The following LYRM4 variants were observed in gnomAD, a reference collection of about 807,000 sequenced individuals.
LYRM4 encodes LYR motif-containing protein 4.
LYRM4 carries 9 observed loss-of-function variants against 11.7 expected under a neutral mutation model. That is an observed-to-expected ratio of 0.77 (90% CI 0.46 to 1.34). LYRM4 has a LOEUF of 1.34. Ranked by LOEUF, LYRM4 falls within the 40% of genes most tolerant of loss-of-function variation. The pLI is 0.00. For synonymous variants in LYRM4, 42 were observed against 40.4 expected, an observed-to-expected ratio of 1.04 and a Z score of -0.15; for missense variants, 133 against 112.5, an observed-to-expected ratio of 1.18 and a Z score of -0.82.
At chr6:5,071,692 C>T in the LYRM4 span, among the ~76,000 whole-genome samples, 1 of 152,086 alleles carries the variant, frequency 6.6e-6, no homozygotes, top group African/African-American at 2.4e-5. Context: ...GGCTGGAGTG[C>T]AGTGGCACGA....
chr6:5,246,403 G>A (rs1267009193), intron 1 of LYRM4, among the ~76,000 whole-genome samples: 4 of 152,122 alleles, frequency 2.6e-5, no homozygotes, highest in African/African-American at 9.7e-5. Flanking sequence ...TCAAAGATTG[G>A]GTTCAGTTCT....
chr6:5,087,443 G>C, the LYRM4 span: 1 of 152,264 alleles, frequency 6.6e-6, no homozygotes, highest in Non-Finnish European at 1.5e-5. Context: ...GAATTAAGAC[G>C]TTTGGTGAAT....
At chr6:5,226,629 A>C (rs1360022763) in intron 1 of LYRM4, among the ~76,000 whole-genome samples, 1 of 152,156 alleles carries the variant, frequency 6.6e-6, no homozygotes, top group Non-Finnish European at 1.5e-5. Flanking sequence ...CGCCCGCCTC[A>C]GCCTCCCAAA....
chr6:5,156,303 C>A (rs935866033), intron 2 of LYRM4, among the ~76,000 whole-genome samples: 1 of 152,310 alleles, frequency 6.6e-6, no homozygotes, highest in South Asian at 2.1e-4. Flanking sequence ...GGTGGAGAGC[C>A]CCTGGGTCCT....
intron 2 of LYRM4, among the ~76,000 whole-genome samples, chr6:5,145,399 G>C (rs1167956520): frequency 6.6e-6 from 1 of 152,196 alleles, no homozygotes; most frequent in Admixed American, 6.5e-5. Flanking sequence ...CACCAGTATT[G>C]TTCTCATTTT....
chr6:5,042,405 TA>T, the LYRM4 span: 1 of 152,390 alleles, frequency 6.6e-6, no homozygotes, highest in Non-Finnish European at 1.5e-5. Flanking sequence ...GGTATTTTAT[TA>T]TTACAGATTT....
chr6:5,211,617 C>G (rs1302554900), intron 2 of LYRM4, among the ~76,000 whole-genome samples: 2 of 152,122 alleles, frequency 1.3e-5, no homozygotes, highest in East Asian at 3.9e-4. Context: ...GTAATACATC[C>G]ACTATTTTGA....
intron 2 of LYRM4, among the ~76,000 whole-genome samples, chr6:5,159,218 A>G (rs1758605480): frequency 6.6e-6 from 1 of 152,226 alleles, no homozygotes; most frequent in Non-Finnish European, 1.5e-5. Context: ...GGTGGGCCCC[A>G]GACACGTATG....
intron 2 of LYRM4, among the ~76,000 whole-genome samples, chr6:5,167,841 A>G (rs973614430): frequency 1.3e-5 from 2 of 152,000 alleles, no homozygotes; most frequent in African/African-American, 4.8e-5. Context: ...TTTGTTTGCT[A>G]ATTTGAAATA....
intron 2 of LYRM4, among the ~76,000 whole-genome samples, chr6:5,185,783 T>C (rs1760353765): frequency 6.6e-6 from 1 of 152,148 alleles, no homozygotes; most frequent in African/African-American, 2.4e-5. Flanking sequence ...GAGTCATCCT[T>C]GCAGGAGACA....
chr6:5,153,768 T>C (rs1050798434), intron 2 of LYRM4, among the ~76,000 whole-genome samples: 2 of 152,212 alleles, frequency 1.3e-5, no homozygotes, highest in Non-Finnish European at 1.5e-5. Flanking sequence ...CACTGATATA[T>C]TGAGGGCTGT....
chr6:5,037,820 C>A, the LYRM4 span, among the ~76,000 whole-genome samples: 1 of 58,958 alleles, frequency 1.7e-5, no homozygotes, highest in African/African-American at 4.5e-5. Flanking sequence ...GGGGGCTGAC[C>A]CCCCCTCCCC....
At chr6:5,069,059 CAA>C in the LYRM4 span, among the ~76,000 whole-genome samples, 1 of 148,198 alleles carries the variant, frequency 6.7e-6, no homozygotes, top group Non-Finnish European at 1.5e-5. Flanking sequence ...TTATTTGGTG[CAA>C]AAAAAAAATG....
chr6:5,124,821 T>C (rs1357171815), intron 2 of LYRM4, among the ~76,000 whole-genome samples: 1 of 152,180 alleles, frequency 6.6e-6, no homozygotes, highest in African/African-American at 2.4e-5. Context: ...AGATCTGGGA[T>C]AAGGCCGCAG....
chr6:5,232,952 A>C (rs1365097588), intron 1 of LYRM4, among the ~76,000 whole-genome samples: 1 of 152,220 alleles, frequency 6.6e-6, no homozygotes, highest in Non-Finnish European at 1.5e-5. Flanking sequence ...TTCCATCTTA[A>C]CTACCTACTA....
chr6:5,254,954 C>A (rs75877449), intron 1 of LYRM4, among the ~76,000 whole-genome samples: 3,008 of 152,192 alleles, frequency 0.02, 89 homozygotes, highest in African/African-American at 0.067. Flanking sequence ...CATGTCTCAA[C>A]CCCCACAATC....
chr6:5,173,060 G>A (rs1254052158), intron 2 of LYRM4, among the ~76,000 whole-genome samples: 3 of 152,192 alleles, frequency 2.0e-5, no homozygotes, highest in Non-Finnish European at 4.4e-5. Context: ...TTGCTTTAAT[G>A]TGCATTATAG....
In LYRM4 at chr6:5,190,230, C is replaced by CTT. The variant is rs145664197; in HGVS notation, c.207+26386_207+26387dup. 6.6e-3 allele frequency among the ~76,000 whole-genome samples: 965 copies of CTT among 147,154 alleles called. 6 individuals carry two copies. Among genetic ancestry groups the CTT allele is most frequent in the Non-Finnish European group, 0.011 (708 of 66,484 alleles). ...CTCAAAGCATTTGATTTCCTTGAGG[C>CTT]TTTTTTTTTTAATTTAAAAACCAAT... On this transcript the variant is annotated intron_variant, in intron 2 of 2. Transcript: ENST00000330636.
intron 2 of LYRM4, among the ~76,000 whole-genome samples, chr6:5,209,254 T>C (rs1437400293): frequency 6.6e-6 from 1 of 152,080 alleles, no homozygotes; most frequent in African/African-American, 2.4e-5. Context: ...CAACCAAACC[T>C]GGCTAATTTT....
Sources: allele counts gnomAD v4.1 joint callset (sites outside exome capture counted in the v4.1 genomes callset), GRCh38; gene constraint gnomAD v4.1.1; transcripts MANE v1.5; gene names NCBI Gene and HGNC (gene_info 2026-07-23, HGNC 2026-07-21).